RAPGEF2: variants seen among roughly 807,000 people sequenced by gnomAD.
RAPGEF2 encodes the protein PDZ domain containing guanine nucleotide exchange factor (GEF) 1.
A neutral mutation model predicts 186.7 loss-of-function variants in RAPGEF2; 54 were observed. The observed-to-expected ratio is 0.29, with a 90% confidence interval of 0.23 to 0.36. The LOEUF is 0.36. RAPGEF2 is among the 10% of genes least tolerant of loss of function. The pLI is 1.00. For synonymous variants in RAPGEF2, 712 were observed against 705.9 expected (o/e 1.01, Z -0.14); for missense variants, 1,532 against 2,045.0 (o/e 0.75, Z 4.84).
At chr4:159,233,387 C>T (rs1248689931) in intron 4 of RAPGEF2, among the ~76,000 whole-genome samples, 1 of 152,154 alleles carries the variant, frequency 6.6e-6, no homozygotes, top group Non-Finnish European at 1.5e-5. Flanking sequence ...CCAGTAATCC[C>T]ACCACCATTT....
intron 7 of RAPGEF2, among the ~76,000 whole-genome samples, chr4:159,279,316 G>T (rs1759373493): frequency 6.6e-6 from 1 of 152,222 alleles, no homozygotes; most frequent in African/African-American, 2.4e-5. Flanking sequence ...GCACGCACAG[G>T]TCTATTTGGG....
chr4:159,294,633 T>TCC (rs57904926), intron 7 of RAPGEF2, among the ~76,000 whole-genome samples: 22,297 of 144,546 alleles, frequency 0.15, 2,044 homozygotes, highest in Admixed American at 0.22. Flanking sequence ...GAGCTTCCAT[T>TCC]TCTTCCTTCC....
rs1262964265 is a variant in RAPGEF2 at position 159,193,344 on chromosome 4, C to G, written c.197+88C>G. The G allele has an allele frequency of 1.4e-5, 9 of 645,752 alleles. No individual in the cohort carries two copies. The East Asian group carries it at 3.0e-4, about 21-fold the overall frequency. 40.0% of individuals were successfully genotyped at this position (645,752 alleles called of 1,614,324 possible). ...TCAAAGGAGTATTAGTAACAGCTGG[C>G]TAAGTCAGCACTAACTTATTTTTCT... On this transcript the variant is annotated intron_variant, in intron 3 of 29. Coordinates refer to ENST00000691494, the MANE Select transcript of RAPGEF2 (RefSeq NM_001394067.2).
intron 7 of RAPGEF2, among the ~76,000 whole-genome samples, chr4:159,249,462 C>G (rs576751754): frequency 2.6e-5 from 4 of 151,822 alleles, no homozygotes; most frequent in African/African-American, 7.3e-5. Flanking sequence ...CATTATTAAC[C>G]TGAAATGCCT....
chr4:159,350,070 AT>A, intron 25 of RAPGEF2, 66 bp from the exon 26 acceptor site: 1 of 1,167,654 alleles, frequency 8.6e-7, no homozygotes, highest in South Asian at 2.0e-5. Flanking sequence ...AAAGTTTTTT[AT>A]TCATAAATGG....
chr4:159,312,816 T>C (rs1452335778), intron 8 of RAPGEF2, among the ~76,000 whole-genome samples: 1 of 152,242 alleles, frequency 6.6e-6, no homozygotes, highest in Non-Finnish European at 1.5e-5. Flanking sequence ...TTCTGTGATA[T>C]GAACCGGGAC....
chr4:159,143,095 G>C (rs936684220), intron 1 of RAPGEF2, among the ~76,000 whole-genome samples: 5 of 151,926 alleles, frequency 3.3e-5, no homozygotes, highest in African/African-American at 1.2e-4. Context: ...TTTGTTGCTG[G>C]GCTTGGTGGC....
intron 11 of RAPGEF2, chr4:159,326,622 G>T (rs980149776): frequency 6.6e-6 from 1 of 152,168 alleles, no homozygotes; most frequent in Non-Finnish European, 1.5e-5. Context: ...TTCTCTTCCA[G>T]TTCTCCCACT....
At chr4:159,223,566 A>C (rs1238407878) in intron 4 of RAPGEF2, among the ~76,000 whole-genome samples, 2 of 152,230 alleles carry the variant, frequency 1.3e-5, no homozygotes, top group Non-Finnish European at 2.9e-5. Context: ...AAATTTAGAA[A>C]ACAGTCATTA....
At chr4:159,250,848 A>G (rs1010844558) in intron 7 of RAPGEF2, among the ~76,000 whole-genome samples, 1 of 151,266 alleles carries the variant, frequency 6.6e-6, no homozygotes, top group African/African-American at 2.4e-5. Flanking sequence ...TCAGACCGCC[A>G]CTGCGCTATG....
rs956679930 is a variant in RAPGEF2, at chr4:159,358,559, G to C, written c.*420G>C. On this transcript the variant is annotated 3_prime_UTR_variant, in exon 30 of 30. Coordinates refer to ENST00000691494, the MANE Select transcript of RAPGEF2 (RefSeq NM_001394067.2). Reference sequence around the variant, plus strand: ...GCACTTGATCTCATTGGGATAATGAGAAAAGCTAGCCATTGAACTACTTGG... The same window carrying C: ...GCACTTGATCTCATTGGGATAATGACAAAAGCTAGCCATTGAACTACTTGG... 5.9e-6 allele frequency: 1 copy of C among 168,432 alleles called. No homozygotes were observed. Among genetic ancestry groups the C allele is most frequent in the African/African-American group, 2.4e-5 (1 of 42,108 alleles). The allele number at this position is 168,432 out of a possible 1,614,324, so 10.4% of individuals were successfully genotyped here.
intron 4 of RAPGEF2, among the ~76,000 whole-genome samples, chr4:159,217,257 T>C (rs368249878): frequency 2.6e-5 from 4 of 152,192 alleles, no homozygotes; most frequent in Admixed American, 1.3e-4. Context: ...TTGGGTTTGA[T>C]TGAACCCATC....
At chr4:159,220,279 G>A (rs554996233) in intron 4 of RAPGEF2, among the ~76,000 whole-genome samples, 2 of 150,056 alleles carry the variant, frequency 1.3e-5, no homozygotes, top group African/African-American at 4.9e-5. Context: ...TTTGTGTGTT[G>A]ATGGAAATGA....
chr4:159,166,525 A>G (rs1745338562), intron 1 of RAPGEF2, among the ~76,000 whole-genome samples: 1 of 152,174 alleles, frequency 6.6e-6, no homozygotes, highest in Admixed American at 6.5e-5. Context: ...TTGTTGATCT[A>G]CTTTGTAGTT....
chr4:159,348,586 C>T (rs776547341), intron 25 of RAPGEF2, among the ~76,000 whole-genome samples: 7 of 152,120 alleles, frequency 4.6e-5, no homozygotes, highest in African/African-American at 1.4e-4. Flanking sequence ...TTATATATTA[C>T]GTTTTGAATA....
intron 4 of RAPGEF2, among the ~76,000 whole-genome samples, chr4:159,214,506 C>G (rs1428936091): frequency 2.0e-5 from 3 of 151,970 alleles, no homozygotes; most frequent in Non-Finnish European, 4.4e-5. Flanking sequence ...TTTCATTGCC[C>G]CTAATTACCC....
intron 3 of RAPGEF2, among the ~76,000 whole-genome samples, chr4:159,195,432 G>A (rs1053486117): frequency 2.6e-5 from 4 of 152,118 alleles, no homozygotes; most frequent in East Asian, 1.9e-4. Flanking sequence ...GGTGATAGCC[G>A]ACATTTAACA....
rs1176419735 is a variant in RAPGEF2 at position 159,277,368 on chromosome 4, G to A, written c.544-26974G>A. Among the ~76,000 whole-genome samples, 42 of 152,214 alleles carry A rather than the reference G, an allele frequency of 2.8e-4. 1 individual carries two copies. Among genetic ancestry groups the A allele is most frequent in the Admixed American group, 2.1e-3 (32 of 15,280 alleles). ...TTCCAAGTCTTTGCTATTGTGAGTA[G>A]TGCCACAATTAACATACGTGTGCAT... On this transcript the variant is annotated intron_variant, in intron 7 of 29. Coordinates refer to ENST00000691494, the MANE Select transcript of RAPGEF2 (RefSeq NM_001394067.2).
At chr4:159,173,301 C>G (rs1746113742) in intron 1 of RAPGEF2, among the ~76,000 whole-genome samples, 1 of 152,110 alleles carries the variant, frequency 6.6e-6, no homozygotes, top group Admixed American at 6.5e-5. Context: ...TCCTCAGTGA[C>G]CTATTCCGCT....
Sources: allele counts gnomAD v4.1 joint callset (sites outside exome capture counted in the v4.1 genomes callset), GRCh38; gene constraint gnomAD v4.1.1; transcripts MANE v1.5; gene names NCBI Gene and HGNC (gene_info 2026-07-23, HGNC 2026-07-21).